RAD51B: variants seen among roughly 807,000 people sequenced by gnomAD.
RAD51B encodes DNA repair protein RAD51 homolog 2.
Under a neutral mutation model 42.2 loss-of-function variants are expected in RAD51B, and 38 were observed. The ratio of observed to expected loss-of-function variants is 0.90; its 90% CI spans 0.70 to 1.18. The LOEUF is 1.18. Among genes scored for constraint, RAD51B ranks in the 50% most tolerant of loss-of-function variants. RAD51B has a pLI of 0.00. For missense variants in RAD51B, 373 were observed against 400.7 expected (o/e 0.93, Z 0.59); for synonymous variants, 154 against 145.2 (o/e 1.06, Z -0.43).
intron 4 of RAD51B, among the ~76,000 whole-genome samples, chr14:67,846,556 G>A (rs916191572): frequency 7.9e-5 from 12 of 152,094 alleles, no homozygotes; most frequent in African/African-American, 2.9e-4. Flanking sequence ...TGGTGGTCTG[G>A]TGTGCCTCAG....
intron 7 of RAD51B, among the ~76,000 whole-genome samples, chr14:68,119,287 AT>A (rs1014057921): frequency 1.4e-5 from 2 of 146,660 alleles, no homozygotes; most frequent in African/African-American, 5.0e-5. Flanking sequence ...TTTTACAACT[AT>A]TTTATCATTT....
intron 10 of RAD51B, among the ~76,000 whole-genome samples, chr14:68,471,134 C>T (rs1256913663): frequency 6.6e-6 from 1 of 152,152 alleles, no homozygotes; most frequent in Non-Finnish European, 1.5e-5. Flanking sequence ...GCACCTGGAG[C>T]TCTGGGTGGG....
At chr14:68,536,177 C>T (rs1887606565) in intron 10 of RAD51B, among the ~76,000 whole-genome samples, 1 of 152,156 alleles carries the variant, frequency 6.6e-6, no homozygotes, top group African/African-American at 2.4e-5. Flanking sequence ...TCAAAATTCA[C>T]CTTCCATTGA....
At chr14:68,198,947 T>C (rs528541272) in intron 7 of RAD51B, among the ~76,000 whole-genome samples, 1 of 152,312 alleles carries the variant, frequency 6.6e-6, no homozygotes, top group Admixed American at 6.5e-5. Flanking sequence ...CTTTTTATAT[T>C]GAGCTAGTTT....
At chr14:68,326,246 G>C (rs2082250928) in intron 8 of RAD51B, among the ~76,000 whole-genome samples, 1 of 151,724 alleles carries the variant, frequency 6.6e-6, no homozygotes. Flanking sequence ...CTCCATGTTG[G>C]TCAGGCTGGT....
At chr14:68,259,191 T>A (rs983331900) in intron 7 of RAD51B, among the ~76,000 whole-genome samples, 1 of 152,018 alleles carries the variant, frequency 6.6e-6, no homozygotes, top group Non-Finnish European at 1.5e-5. Flanking sequence ...TGGCCCCTGT[T>A]CTTGAACGAA....
At chr14:67,997,067 G>T (rs1355499093) in intron 7 of RAD51B, among the ~76,000 whole-genome samples, 3 of 152,148 alleles carry the variant, frequency 2.0e-5, no homozygotes, top group Non-Finnish European at 4.4e-5. Flanking sequence ...GGTTTAGAGG[G>T]GAAGAACAGG....
downstream of RAD51B, among the ~76,000 whole-genome samples, chr14:68,611,801 G>C (rs4902615): frequency 0.12 from 18,991 of 152,200 alleles, 1,342 homozygotes; most frequent in East Asian, 0.22. Context: ...CCTGGGACAT[G>C]ACAGAGCCTG....
At position 68,227,102 on chromosome 14, in the gene RAD51B, A is replaced by G. The variant is rs1243461611; in HGVS notation, c.757-64782A>G. On this transcript the variant is annotated intron_variant, in intron 7 of 10. Transcript: ENST00000471583. ...GCATGTAGATGTCTTTAAAGATGCA[A>G]TCAGGCCTCCTCGTCACAAGTGTGT... Among the ~76,000 whole-genome samples, 4 of 152,208 alleles carry G rather than the reference A, an allele frequency of 2.6e-5. No homozygotes were observed. The East Asian group carries it at 7.7e-4, about 29-fold the overall frequency.
In RAD51B at chr14:68,400,020, C is replaced by A. The variant is rs181517683; in HGVS notation, c.854-11404C>A. Among the ~76,000 whole-genome samples, 8 of 152,240 alleles carry A rather than the reference C, an allele frequency of 5.3e-5. No individual in the cohort carries two copies. In the East Asian group the frequency reaches 1.5e-3, roughly 29 times the overall value. On this transcript the variant is annotated intron_variant, in intron 8 of 10. Coordinates refer to ENST00000471583, the MANE Select transcript of RAD51B (RefSeq NM_133510.4). ...AATCATATTTCTTTTCTCTTCTGTT[C>A]TTACTGCTTGCAAAGAGCCAGTGAT...
At chr14:68,143,492 A>C (rs79211515) in intron 7 of RAD51B, among the ~76,000 whole-genome samples, 3,820 of 152,332 alleles carry the variant, frequency 0.025, 128 homozygotes, top group African/African-American at 0.077. Context: ...GACAGCTGAA[A>C]GCTTCATTTC....
chr14:67,876,481 A>G (rs906518312), intron 5 of RAD51B, among the ~76,000 whole-genome samples: 3 of 152,190 alleles, frequency 2.0e-5, no homozygotes, highest in Admixed American at 1.3e-4. Context: ...AAAGAAGTCT[A>G]TCTGTATCCA....
At chr14:67,959,277 T>C (rs570287147) in intron 7 of RAD51B, among the ~76,000 whole-genome samples, 1 of 152,166 alleles carries the variant, frequency 6.6e-6, no homozygotes, top group East Asian at 1.9e-4. Context: ...GACAGAGTCT[T>C]GCTCTGTTGC....
intron 4 of RAD51B, among the ~76,000 whole-genome samples, chr14:67,851,940 CAA>C (rs921012412): frequency 6.6e-6 from 1 of 152,048 alleles, no homozygotes; most frequent in Non-Finnish European, 1.5e-5. Context: ...CCTCTGAGAG[CAA>C]AGAGTCTGGC....
chr14:67,966,768 C>G (rs370637076), intron 7 of RAD51B, among the ~76,000 whole-genome samples: 1 of 152,184 alleles, frequency 6.6e-6, no homozygotes, highest in Non-Finnish European at 1.5e-5. Context: ...AGTTTGCAAA[C>G]TTGCTTTTTT....
chr14:67,919,104 A>C (rs2044243803), intron 7 of RAD51B, among the ~76,000 whole-genome samples: 1 of 152,146 alleles, frequency 6.6e-6, no homozygotes, highest in Non-Finnish European at 1.5e-5. Flanking sequence ...GTACAAACCA[A>C]ATTAAACTGA....
intron 7 of RAD51B, among the ~76,000 whole-genome samples, chr14:67,908,006 C>G (rs1333214567): frequency 6.6e-6 from 1 of 152,118 alleles, no homozygotes; most frequent in Non-Finnish European, 1.5e-5. Context: ...GAAGTCAGTC[C>G]TGGATGATCC....
At chr14:68,010,510 T>C (rs1260386031) in intron 7 of RAD51B, among the ~76,000 whole-genome samples, 1 of 151,810 alleles carries the variant, frequency 6.6e-6, no homozygotes, top group Non-Finnish European at 1.5e-5. Flanking sequence ...TTTCTCCCTG[T>C]TTTTCTAATA....
chr14:68,648,004 C>CAT (rs374934304), intron 10 of RAD51B, among the ~76,000 whole-genome samples: 42,566 of 108,252 alleles, frequency 0.39, 9,068 homozygotes, highest in Admixed American at 0.52. Flanking sequence ...AAAAATTGAG[C>CAT]ATATATATAT....
Sources: gnomAD v4.1 joint callset for allele counts (sites outside exome capture counted in the v4.1 genomes callset) on GRCh38, gnomAD v4.1.1 for gene constraint, MANE v1.5 for transcripts, NCBI Gene and HGNC (gene_info 2026-07-23, HGNC 2026-07-21) for gene names.